Variants in DAB1 observed in about 807,000 individuals in gnomAD.
DAB1 encodes the protein disabled homolog 1.
A neutral mutation model predicts 64.6 loss-of-function variants in DAB1; 15 were observed. That is an observed-to-expected ratio of 0.23 (90% CI 0.16 to 0.36). The LOEUF (loss-of-function observed/expected upper bound fraction) is 0.36. Among genes scored for constraint, DAB1 ranks in the 10% least tolerant of loss-of-function variants. DAB1 has a pLI of 1.00. For synonymous variants in DAB1, 235 were observed against 251.9 expected (o/e 0.93, Z 0.64); for missense variants, 596 against 706.7 (o/e 0.84, Z 1.78).
At chr1:58,196,625 G>A (rs1203771510) in intron 4 of DAB1, among the ~76,000 whole-genome samples, 1 of 152,164 alleles carries the variant, frequency 6.6e-6, no homozygotes, top group Admixed American at 6.5e-5. Flanking sequence ...GAGGCCTCAG[G>A]AAACTTAAAA....
intron 5 of DAB1, among the ~76,000 whole-genome samples, chr1:58,025,930 T>C (rs1646888597): frequency 6.6e-6 from 1 of 151,976 alleles, no homozygotes; most frequent in Admixed American, 6.6e-5. Flanking sequence ...ACCCTGTGCA[T>C]TGTTCTTGTT....
chr1:57,622,448 C>T (rs1645871290), intron 7 of DAB1, among the ~76,000 whole-genome samples: 1 of 152,168 alleles, frequency 6.6e-6, no homozygotes, highest in Non-Finnish European at 1.5e-5. Flanking sequence ...GATAGTCTAT[C>T]TTCTTATACA....
At chr1:58,045,455 G>A (rs1380575845) in intron 5 of DAB1, among the ~76,000 whole-genome samples, 1 of 152,126 alleles carries the variant, frequency 6.6e-6, no homozygotes, top group Non-Finnish European at 1.5e-5. Flanking sequence ...TCTTGAGACT[G>A]CCGGCATTAA....
chr1:57,401,606 C>T (rs1683248393), intron 1 of DAB1, among the ~76,000 whole-genome samples: 1 of 152,186 alleles, frequency 6.6e-6, no homozygotes, highest in African/African-American at 2.4e-5. Flanking sequence ...GAAAGCATCA[C>T]AGTATGCATA....
At chr1:57,761,721 G>A (rs1569602556) in intron 6 of DAB1, among the ~76,000 whole-genome samples, 2 of 152,238 alleles carry the variant, frequency 1.3e-5, no homozygotes, top group Admixed American at 1.3e-4. Context: ...CCAGAGTCAA[G>A]TCAACCCAGG....
intron 2 of DAB1, among the ~76,000 whole-genome samples, chr1:58,522,694 A>C (rs1178092102): frequency 2.0e-5 from 3 of 152,250 alleles, no homozygotes; most frequent in Non-Finnish European, 4.4e-5. Context: ...CCTACTGTTG[A>C]CCTTGCCAGT....
chr1:58,492,827 T>C (rs1030018831), intron 3 of DAB1, among the ~76,000 whole-genome samples: 1 of 152,220 alleles, frequency 6.6e-6, no homozygotes, highest in African/African-American at 2.4e-5. Context: ...AGCCGAATTC[T>C]ACCAGAGGTA....
intron 2 of DAB1, among the ~76,000 whole-genome samples, chr1:57,203,291 T>C (rs751866520): frequency 5.3e-5 from 8 of 152,222 alleles, no homozygotes; most frequent in Non-Finnish European, 1.2e-4. Flanking sequence ...CATTTTTCTT[T>C]GCTTCCTCAG....
intron 7 of DAB1, among the ~76,000 whole-genome samples, chr1:57,524,868 A>C (rs1644572718): frequency 6.6e-6 from 1 of 152,230 alleles, no homozygotes; most frequent in Non-Finnish European, 1.5e-5. Flanking sequence ...AACAAAATAA[A>C]CAAACAAGCA....
At chr1:57,446,810 C>T (rs1334734692) in intron 7 of DAB1, among the ~76,000 whole-genome samples, 2 of 152,032 alleles carry the variant, frequency 1.3e-5, no homozygotes, top group Non-Finnish European at 2.9e-5. Flanking sequence ...CAAGGGAGTA[C>T]CTGTGTTTGT....
At chr1:57,566,919 C>T (rs1028380549) in intron 7 of DAB1, among the ~76,000 whole-genome samples, 5 of 152,318 alleles carry the variant, frequency 3.3e-5, no homozygotes, top group African/African-American at 4.8e-5. Context: ...CTCCCTAACT[C>T]ATTTTTTGAG....
chr1:57,131,068 C>T (rs1204155549), intron 4 of DAB1, among the ~76,000 whole-genome samples: 1 of 152,190 alleles, frequency 6.6e-6, no homozygotes, highest in Non-Finnish European at 1.5e-5. Flanking sequence ...TTACCAACCC[C>T]TCTGCAAAAA....
chr1:57,931,204 C>T (rs563533967), intron 5 of DAB1, among the ~76,000 whole-genome samples: 1 of 152,238 alleles, frequency 6.6e-6, no homozygotes, highest in African/African-American at 2.4e-5. Context: ...ATAAATCTTA[C>T]TTGATTGCGG....
chr1:57,004,821 C>T (rs1456940137), intron 14 of DAB1, among the ~76,000 whole-genome samples: 1 of 152,202 alleles, frequency 6.6e-6, no homozygotes, highest in Non-Finnish European at 1.5e-5. Context: ...ATCCTCCTAA[C>T]TTCCGATATG....
chr1:58,336,298 G>A (rs1281218463), intron 4 of DAB1, among the ~76,000 whole-genome samples: 3 of 152,268 alleles, frequency 2.0e-5, no homozygotes, highest in South Asian at 2.1e-4. Context: ...CTGTTCTGGC[G>A]TTTGAAGGTT....
At chr1:57,347,684 GC>G (rs1341724572) in intron 1 of DAB1, among the ~76,000 whole-genome samples, 1 of 152,136 alleles carries the variant, frequency 6.6e-6, no homozygotes, top group Non-Finnish European at 1.5e-5. Context: ...TAATTTAAAT[GC>G]CCATCCTAAA....
chr1:57,417,717 A>G (rs555822304), intron 1 of DAB1, among the ~76,000 whole-genome samples: 1 of 152,270 alleles, frequency 6.6e-6, no homozygotes, highest in South Asian at 2.1e-4. Context: ...AATATTCATA[A>G]TGATCTTAGG....
chr1:57,092,988 T>C (rs1355004497), intron 4 of DAB1, among the ~76,000 whole-genome samples: 2 of 152,174 alleles, frequency 1.3e-5, no homozygotes, highest in African/African-American at 2.4e-5. Context: ...GAGGGGTCTT[T>C]ACTCATGTCA....
intron 7 of DAB1, among the ~76,000 whole-genome samples, chr1:57,456,084 G>T (rs1686580655): frequency 6.6e-6 from 1 of 152,066 alleles, no homozygotes; most frequent in Non-Finnish European, 1.5e-5. Context: ...CTAACATTAG[G>T]ACTCATTTCC....
Sources: allele counts gnomAD v4.1 joint callset (sites outside exome capture counted in the v4.1 genomes callset), GRCh38; gene constraint gnomAD v4.1.1; transcripts MANE v1.5; gene names NCBI Gene and HGNC (gene_info 2026-07-23, HGNC 2026-07-21).